DLG2: variants seen among roughly 807,000 people sequenced by gnomAD.
DLG2 encodes discs large MAGUK scaffold protein 2, also known as disks large homolog 2.
Under a neutral mutation model 132.5 loss-of-function variants are expected in DLG2, and 45 were observed. The observed-to-expected ratio is 0.34, with a 90% CI of 0.27 to 0.44. The LOEUF (loss-of-function observed/expected upper bound fraction) is 0.44. DLG2 is among the 20% of genes least tolerant of loss of function. DLG2 has a pLI of 1.00. For missense variants in DLG2, 1,045 were observed against 1,196.9 expected (o/e 0.87, Z 1.87); for synonymous variants, 424 against 419.6 (o/e 1.01, Z -0.13).
chr11:84,880,516 GAATA>G (rs1428570832), intron 6 of DLG2, among the ~76,000 whole-genome samples: 1 of 152,014 alleles, frequency 6.6e-6, no homozygotes, highest in Admixed American at 6.6e-5. Flanking sequence ...CTTCCAATTT[GAATA>G]AATATAAAAT....
chr11:84,015,501 T>C (rs986308566), intron 11 of DLG2, among the ~76,000 whole-genome samples: 3 of 152,066 alleles, frequency 2.0e-5, no homozygotes, highest in African/African-American at 4.8e-5. Context: ...TCCCAGCATC[T>C]ATTAGCTATT....
chr11:83,876,300 T>C (rs1338261915), intron 15 of DLG2, among the ~76,000 whole-genome samples: 1 of 152,168 alleles, frequency 6.6e-6, no homozygotes, highest in African/African-American at 2.4e-5. Flanking sequence ...GCAGAGCGTG[T>C]ACTTTGAGAT....
At chr11:84,620,243 T>C (rs1348374737) in intron 6 of DLG2, among the ~76,000 whole-genome samples, 1 of 151,850 alleles carries the variant, frequency 6.6e-6, no homozygotes, top group East Asian at 1.9e-4. Context: ...AGAAGTGTTA[T>C]TCAACACATG....
At chr11:84,604,661 C>A (rs1281620183) in intron 6 of DLG2, among the ~76,000 whole-genome samples, 1 of 151,820 alleles carries the variant, frequency 6.6e-6, no homozygotes, top group Non-Finnish European at 1.5e-5. Context: ...CTAAGTGCTA[C>A]AATGGACTGA....
intron 3 of DLG2, among the ~76,000 whole-genome samples, chr11:85,478,578 A>C (rs1367605108): frequency 6.6e-6 from 1 of 152,194 alleles, no homozygotes; most frequent in Non-Finnish European, 1.5e-5. Flanking sequence ...ACTACTTGCT[A>C]ATTATGTGAC....
chr11:83,467,472 G>A (rs955419564), intron 25 of DLG2, among the ~76,000 whole-genome samples: 6 of 152,022 alleles, frequency 3.9e-5, no homozygotes, highest in African/African-American at 7.2e-5. Context: ...TGGTTGGTTG[G>A]GTGCAGTGGC....
chr11:85,073,601 C>G lies in DLG2; in HGVS notation c.357+38060G>C, dbSNP rs141012548. Among the ~76,000 whole-genome samples, 462 of 151,738 alleles carry G rather than the reference C, an allele frequency of 3.0e-3. 8 individuals carry two copies. Among genetic ancestry groups the G allele is most frequent in the Non-Finnish European group, 4.4e-3 (297 of 67,810 alleles). The stretch of plus-strand genomic sequence containing the variant: ...CCTGTAAATCTAGTTGAAGTTGTAC[C>G]TTCTTACTACATTGTGATATACAAG... On this transcript the variant is annotated intron_variant, in intron 6 of 27. Transcript: ENST00000376104.
At chr11:83,798,309 T>C (rs1844795542) in intron 17 of DLG2, among the ~76,000 whole-genome samples, 1 of 152,234 alleles carries the variant, frequency 6.6e-6, no homozygotes, top group African/African-American at 2.4e-5. Flanking sequence ...CTTCTTTTGT[T>C]AGGCTGTTAT....
intron 6 of DLG2, among the ~76,000 whole-genome samples, chr11:84,707,968 G>T (rs2059955062): frequency 6.6e-6 from 1 of 151,776 alleles, no homozygotes; most frequent in Admixed American, 6.6e-5. Flanking sequence ...CTTTCCCTGG[G>T]CTCAGAGTCA....
intron 16 of DLG2, among the ~76,000 whole-genome samples, chr11:83,872,599 G>A (rs2154065418): frequency 6.6e-6 from 1 of 152,308 alleles, no homozygotes; most frequent in Admixed American, 6.5e-5. Flanking sequence ...AAGAAATGGT[G>A]ATTATGTCAA....
chr11:84,684,746 A>C (rs1307607843), intron 6 of DLG2, among the ~76,000 whole-genome samples: 1 of 152,214 alleles, frequency 6.6e-6, no homozygotes, highest in Non-Finnish European at 1.5e-5. Context: ...CCAAATAAAT[A>C]AATCACTATA....
chr11:85,309,557 G>T (rs964060482), intron 3 of DLG2, among the ~76,000 whole-genome samples: 2 of 151,924 alleles, frequency 1.3e-5, no homozygotes, highest in Non-Finnish European at 2.9e-5. Flanking sequence ...TTCCCAATAG[G>T]CATTTAAATG....
At chr11:85,352,780 C>T (rs1335720121) in intron 3 of DLG2, among the ~76,000 whole-genome samples, 1 of 152,050 alleles carries the variant, frequency 6.6e-6, no homozygotes. Flanking sequence ...AACTGGCTAG[C>T]CATATGTAGA....
At chr11:84,910,530 T>C (rs554875762) in intron 6 of DLG2, among the ~76,000 whole-genome samples, 1 of 152,346 alleles carries the variant, frequency 6.6e-6, no homozygotes, top group East Asian at 1.9e-4. Context: ...ACATTTCTTA[T>C]TAATGACTCT....
chr11:84,777,460 T>C (rs1022030801), intron 6 of DLG2, among the ~76,000 whole-genome samples: 5 of 151,386 alleles, frequency 3.3e-5, no homozygotes, highest in South Asian at 2.1e-4. Flanking sequence ...TCTGAGCAGA[T>C]AGCTTAGAGT....
At chr11:84,105,597 T>C (rs2092847773) in intron 9 of DLG2, among the ~76,000 whole-genome samples, 1 of 152,188 alleles carries the variant, frequency 6.6e-6, no homozygotes, top group Admixed American at 6.6e-5. Context: ...CCTACACTGA[T>C]AATATATGTT....
intron 6 of DLG2, among the ~76,000 whole-genome samples, chr11:84,619,459 A>C (rs552948997): frequency 7.8e-4 from 119 of 151,856 alleles, no homozygotes; most frequent in African/African-American, 2.7e-3. Flanking sequence ...AAGCAGGTTA[A>C]AGCCCCAAAA....
intron 10 of DLG2, among the ~76,000 whole-genome samples, chr11:84,096,965 A>G (rs1315421231): frequency 6.6e-6 from 1 of 152,218 alleles, no homozygotes; most frequent in Non-Finnish European, 1.5e-5. Context: ...AGTAATCACT[A>G]CATCAGAAAA....
At chr11:85,209,610 T>TTTTG in intron 4 of DLG2, among the ~76,000 whole-genome samples, 1 of 148,034 alleles carries the variant, frequency 6.8e-6, no homozygotes, top group South Asian at 2.2e-4. Context: ...TTTTTTTTTT[T>TTTTG]TGTATGTTCA....
Sources: gnomAD v4.1 joint callset for allele counts (sites outside exome capture counted in the v4.1 genomes callset) on GRCh38, gnomAD v4.1.1 for gene constraint, MANE v1.5 for transcripts, NCBI Gene and HGNC (gene_info 2026-07-23, HGNC 2026-07-21) for gene names.